The following LAMB4 variants were observed in gnomAD, a reference collection of about 807,000 sequenced individuals.
The protein encoded by LAMB4 is laminin subunit beta-4.
In LAMB4, 196 loss-of-function variants were observed where a neutral mutation model predicts 199.2. The ratio of observed to expected loss-of-function variants is 0.98; its 90% CI spans 0.88 to 1.11. LAMB4 has a LOEUF of 1.11. LAMB4 is among the 50% of genes least tolerant of loss of function. The pLI, the probability that LAMB4 is intolerant of heterozygous loss-of-function variation, is 0.00. For missense variants in LAMB4, 2,080 were observed against 2,171.2 expected, an observed-to-expected ratio of 0.96 and a Z score of 0.83; for synonymous variants, 744 against 770.6, an observed-to-expected ratio of 0.97 and a Z score of 0.57.
At position 108,115,819 on chromosome 7, in the gene LAMB4, C is replaced by T. The variant is rs532774096; in HGVS notation, c.192+185G>A. On this transcript the variant is annotated intron_variant, in intron 3 of 33. Transcript: ENST00000388781. Reference sequence around the variant, plus strand: ...CAGGGACTTGAGCATCCATGGATTTCGGTGTTGGGGGAAAGGGTCCCGGCA... The same window carrying T: ...CAGGGACTTGAGCATCCATGGATTTTGGTGTTGGGGGAAAGGGTCCCGGCA... 1.2e-3 allele frequency among the ~76,000 whole-genome samples: 188 copies of T among 152,166 alleles called. 1 individual carries two copies. The highest frequency in any genetic ancestry group is 4.4e-3 in the African/African-American group (182 of 41,504).
downstream of LAMB4, among the ~76,000 whole-genome samples, chr7:108,021,079 CTG>C (rs981625982): frequency 6.6e-6 from 1 of 152,104 alleles, no homozygotes; most frequent in Non-Finnish European, 1.5e-5. Flanking sequence ...CATCCTCAAT[CTG>C]TGTTTCTCAA....
At chr7:108,017,954 G>A in the LAMB4 span, among the ~76,000 whole-genome samples, 1 of 152,206 alleles carries the variant, frequency 6.6e-6, no homozygotes, top group Non-Finnish European at 1.5e-5. Context: ...GCTGTGAATC[G>A]CCTAAGGTCA....
At chr7:108,058,037 C>A (rs928409405) in intron 23 of LAMB4, 109 bp from the exon 24 acceptor site, 7 of 732,638 alleles carry the variant, frequency 9.6e-6, no homozygotes, top group Admixed American at 8.6e-5. Flanking sequence ...TACAGCTGTG[C>A]AAAGGCGGAG....
chr7:108,049,020 C>T (rs1455224021), intron 27 of LAMB4, among the ~76,000 whole-genome samples: 4 of 152,114 alleles, frequency 2.6e-5, no homozygotes, highest in Non-Finnish European at 4.4e-5. Context: ...AGAGAATTAG[C>T]CTTTTTCTTG....
chr7:108,098,317 A>C lies in LAMB4; in HGVS notation c.1360+86T>G, dbSNP rs145757398. The C allele has an allele frequency of 2.5e-3, 1,533 of 604,316 alleles. 19 individuals carry two copies. The African/African-American group carries it at 0.035, about 14-fold the overall frequency. 37.4% of individuals were successfully genotyped at this position (604,316 alleles called of 1,614,324 possible). On this transcript the variant is annotated intron_variant, in intron 11 of 33. Coordinates refer to ENST00000388781, the MANE Select transcript of LAMB4 (RefSeq NM_007356.3). ...CACTGTACTCCAGCCTGGGCGACAG[A>C]GCGAGACTCCATCTCAAAAACAGAC...
chr7:108,039,003 A>G (rs1427564668), intron 29 of LAMB4, among the ~76,000 whole-genome samples: 2 of 152,226 alleles, frequency 1.3e-5, no homozygotes, highest in Non-Finnish European at 2.9e-5. Context: ...TACTCCAGGA[A>G]GGACTTCAGA....
chr7:108,068,224 A>G (rs2036411990), intron 18 of LAMB4, 65 bp from the exon 19 acceptor site: 1 of 1,536,532 alleles, frequency 6.5e-7, no homozygotes, highest in Non-Finnish European at 8.9e-7. Flanking sequence ...TCACCTTGTT[A>G]GTAGCTATAG....
chr7:108,095,192 C>T, intron 12 of LAMB4, 36 bp downstream of exon 12: 3 of 1,458,946 alleles, frequency 2.1e-6, no homozygotes, highest in South Asian at 2.3e-5. Context: ...AAATCTGTAT[C>T]ACTATAGAAA....
At chr7:108,100,567 G>A (rs2037780985) in intron 10 of LAMB4, among the ~76,000 whole-genome samples, 2 of 152,100 alleles carry the variant, frequency 1.3e-5, no homozygotes, top group Non-Finnish European at 2.9e-5. Context: ...TTTCATACCA[G>A]GAGTACTAGT....
At chr7:108,039,470 C>CTT (rs61668715) in intron 29 of LAMB4, among the ~76,000 whole-genome samples, 50 of 134,340 alleles carry the variant, frequency 3.7e-4, no homozygotes, top group East Asian at 2.1e-3. Context: ...TACTTTCTTT[C>CTT]TTTTTTTTTT....
intron 23 of LAMB4, 149 bp downstream of exon 23, chr7:108,062,623 TAG>T (rs1328370624): frequency 5.1e-5 from 22 of 434,800 alleles, no homozygotes; most frequent in African/African-American, 3.9e-4. Flanking sequence ...CATTCCTTGA[TAG>T]AGGCTGACTC....
intron 14 of LAMB4, among the ~76,000 whole-genome samples, chr7:108,080,665 A>T (rs562450697): frequency 8.1e-4 from 123 of 152,304 alleles, no homozygotes; most frequent in African/African-American, 3.0e-3. Context: ...TGAATTAGGA[A>T]TGCAAAATAA....
chr7:108,020,837 A>T (rs148651847), downstream of LAMB4, among the ~76,000 whole-genome samples: 1 of 152,344 alleles, frequency 6.6e-6, no homozygotes, highest in East Asian at 1.9e-4. Context: ...ACTGAATTAG[A>T]ATATGTACCA....
At chr7:108,082,074 T>C (rs1208260713) in intron 14 of LAMB4, among the ~76,000 whole-genome samples, 1 of 152,146 alleles carries the variant, frequency 6.6e-6, no homozygotes, top group Admixed American at 6.5e-5. Context: ...CTCACGCCTG[T>C]AATCCTAGCA....
chr7:108,119,064 G>T (rs2150689640), intron 2 of LAMB4, among the ~76,000 whole-genome samples: 1 of 152,266 alleles, frequency 6.6e-6, no homozygotes, highest in East Asian at 1.9e-4. Flanking sequence ...AGCCACTGGG[G>T]AAATGCAAAT....
At chr7:108,060,411 T>G (rs528871551) in intron 23 of LAMB4, among the ~76,000 whole-genome samples, 2 of 152,278 alleles carry the variant, frequency 1.3e-5, no homozygotes, top group East Asian at 3.9e-4. Context: ...GGTTGGTGGC[T>G]GCAGGTGTGG....
intron 4 of LAMB4, among the ~76,000 whole-genome samples, chr7:108,110,400 C>T (rs1488274680): frequency 6.6e-6 from 1 of 152,204 alleles, no homozygotes; most frequent in Non-Finnish European, 1.5e-5. Context: ...TGTTTTTACA[C>T]TTCCAGCCCA....
chr7:108,040,295 T>C (rs2035376409), intron 29 of LAMB4, among the ~76,000 whole-genome samples: 1 of 152,154 alleles, frequency 6.6e-6, no homozygotes, highest in Non-Finnish European at 1.5e-5. Context: ...TCCATGCTCA[T>C]AGATAGGAAG....
At position 108,106,026 on chromosome 7, in the gene LAMB4, C is replaced by A; in HGVS notation, c.661G>T (p.Val221Leu). The A allele has an allele frequency of 6.2e-7, 1 of 1,613,258 alleles. No individual in the cohort carries two copies. Among genetic ancestry groups the A allele is most frequent in the South Asian group, 1.1e-5 (1 of 91,050 alleles). Residue 221 changes from valine (V) to leucine (L), a missense_variant, in exon 8 of 34, where the codon GTG (valine) becomes TTG (leucine). Coordinates refer to ENST00000388781, the MANE Select transcript of LAMB4 (RefSeq NM_007356.3). ...TTTATCCTCAGGTTTGTCAATGTCA[C>A]AAGGTCTAAAGAAAGGAAAATAATG... ...NPYSPYIQDL[V>L]TLTNLRINFT...
Sources: allele counts gnomAD v4.1 joint callset (sites outside exome capture counted in the v4.1 genomes callset), GRCh38; gene constraint gnomAD v4.1.1; transcripts MANE v1.5; gene names NCBI Gene and HGNC (gene_info 2026-07-23, HGNC 2026-07-21).